AFF3: variants seen among roughly 807,000 people sequenced by gnomAD.
AFF3 encodes the protein ALF transcription elongation factor 3, also known as AF4/FMR2 family member 3.
Under a neutral mutation model 129.7 loss-of-function variants are expected in AFF3, and 32 were observed. That is an observed-to-expected ratio of 0.25 (90% CI 0.19 to 0.33). The LOEUF is 0.33. AFF3 is among the 10% of genes least tolerant of loss of function. The pLI is 1.00. For missense variants in AFF3, 1,373 were observed against 1,592.0 expected, an observed-to-expected ratio of 0.86 and a Z score of 2.34; for synonymous variants, 644 against 635.4, an observed-to-expected ratio of 1.01 and a Z score of -0.20.
chr2:99,596,955 A>AG (rs1397102319), intron 14 of AFF3, among the ~76,000 whole-genome samples: 2 of 152,122 alleles, frequency 1.3e-5, no homozygotes, highest in African/African-American at 4.8e-5. Flanking sequence ...CAAATTTCTA[A>AG]GGGGGGCGTT....
chr2:100,138,428 G>T (rs1043134518), intron 1 of AFF3, among the ~76,000 whole-genome samples: 1 of 152,072 alleles, frequency 6.6e-6, no homozygotes, highest in African/African-American at 2.4e-5. Flanking sequence ...TCTTACCTTT[G>T]CTTGCTGCTC....
chr2:99,982,972 A>G (rs1679546552), intron 7 of AFF3, among the ~76,000 whole-genome samples: 1 of 152,224 alleles, frequency 6.6e-6, no homozygotes, highest in Admixed American at 6.5e-5. Flanking sequence ...TCTTAGTCAC[A>G]ATTTGTAAGT....
rs915192181 is a variant in AFF3 at position 99,868,649 on chromosome 2, A to G, written c.874-31125T>C. On this transcript the variant is annotated intron_variant, in intron 7 of 24. Coordinates refer to ENST00000672756, the MANE Select transcript of AFF3 (RefSeq NM_001386135.1). ...CAGAGGCTTTTTGAGCATTTTAACCAGTATCATCTATGATCCTCTGAACAA... is the reference window on the plus strand; with the variant it reads ...CAGAGGCTTTTTGAGCATTTTAACCGGTATCATCTATGATCCTCTGAACAA... Among the ~76,000 whole-genome samples the G allele has an allele frequency of 4.6e-5, 7 of 152,280 alleles. No individual in the cohort carries two copies. The South Asian group carries it at 1.0e-3, about 23-fold the overall frequency.
At chr2:100,015,354 T>C (rs1682923958) in intron 4 of AFF3, among the ~76,000 whole-genome samples, 1 of 152,062 alleles carries the variant, frequency 6.6e-6, no homozygotes, top group Non-Finnish European at 1.5e-5. Flanking sequence ...TCTTTTCAGA[T>C]ACTTTGAGAC....
intron 1 of AFF3, among the ~76,000 whole-genome samples, chr2:100,130,424 G>A: frequency 6.6e-6 from 1 of 152,170 alleles, no homozygotes; most frequent in Non-Finnish European, 1.5e-5. Flanking sequence ...CACCCCATGG[G>A]CACAGGGCTC....
At chr2:99,865,308 G>A (rs1334342120) in intron 7 of AFF3, among the ~76,000 whole-genome samples, 1 of 152,226 alleles carries the variant, frequency 6.6e-6, no homozygotes, top group Non-Finnish European at 1.5e-5. Context: ...TGGACTCTTT[G>A]AAGCCTTCAA....
chr2:99,642,460 G>A (rs1266996611), intron 13 of AFF3, among the ~76,000 whole-genome samples: 1 of 152,050 alleles, frequency 6.6e-6, no homozygotes, highest in Non-Finnish European at 1.5e-5. Context: ...GATTCCTGAG[G>A]CATCTGTTGC....
intron 7 of AFF3, among the ~76,000 whole-genome samples, chr2:99,869,034 C>T (rs79794553): frequency 1.5e-5 from 1 of 66,554 alleles, no homozygotes; most frequent in African/African-American, 3.9e-5. Flanking sequence ...CAAGTGATCC[C>T]TCTGCCTCTG....
intron 4 of AFF3, among the ~76,000 whole-genome samples, chr2:100,070,103 G>A (rs1688052126): frequency 6.6e-6 from 1 of 152,172 alleles, no homozygotes; most frequent in Non-Finnish European, 1.5e-5. Flanking sequence ...AGACAGAAAG[G>A]AAGAGGGAAG....
At chr2:99,553,362 CA>C (rs1674585551) in intron 24 of AFF3, among the ~76,000 whole-genome samples, 1 of 152,178 alleles carries the variant, frequency 6.6e-6, no homozygotes, top group Non-Finnish European at 1.5e-5. Flanking sequence ...CTCTGCCATA[CA>C]TTCCTTATCT....
At chr2:99,658,586 C>T (rs941663104) in intron 12 of AFF3, among the ~76,000 whole-genome samples, 1 of 152,124 alleles carries the variant, frequency 6.6e-6, no homozygotes, top group Non-Finnish European at 1.5e-5. Context: ...TTTATACTAA[C>T]ATTTATTTAT....
intron 11 of AFF3, among the ~76,000 whole-genome samples, chr2:99,712,642 C>T (rs866822493): frequency 3.3e-5 from 5 of 152,270 alleles, no homozygotes; most frequent in South Asian, 4.1e-4. Flanking sequence ...GTGATCTTTG[C>T]GACACTTTTG....
chr2:99,576,279 C>A (rs910285844), intron 18 of AFF3, among the ~76,000 whole-genome samples: 1 of 151,616 alleles, frequency 6.6e-6, no homozygotes, highest in African/African-American at 2.4e-5. Context: ...GATTCACCTG[C>A]CCCAGTCTCC....
chr2:99,833,775 G>C (rs1688669184), intron 8 of AFF3, among the ~76,000 whole-genome samples: 1 of 152,172 alleles, frequency 6.6e-6, no homozygotes, highest in Admixed American at 6.6e-5. Context: ...ATAAAATAGA[G>C]TGTAACTTGG....
At chr2:99,837,316 G>A (rs1558899771) in intron 8 of AFF3, among the ~76,000 whole-genome samples, 161 bp downstream of exon 8, 1 of 152,136 alleles carries the variant, frequency 6.6e-6, no homozygotes, top group Non-Finnish European at 1.5e-5. Flanking sequence ...CTCCTAGATT[G>A]TTAACAGAAG....
intron 7 of AFF3, among the ~76,000 whole-genome samples, chr2:99,909,332 TG>T (rs1694956106): frequency 8.0e-6 from 1 of 125,266 alleles, no homozygotes; most frequent in Non-Finnish European, 1.6e-5. Context: ...CACCGGGGAC[TG>T]CTGTGGGGTG....
At chr2:100,064,358 C>T (rs1156379756) in intron 4 of AFF3, among the ~76,000 whole-genome samples, 3 of 152,122 alleles carry the variant, frequency 2.0e-5, no homozygotes, top group Non-Finnish European at 4.4e-5. Flanking sequence ...ATCAATATGA[C>T]ACTAAACCTA....
At chr2:100,058,004 T>C (rs1488568370) in intron 4 of AFF3, among the ~76,000 whole-genome samples, 1 of 152,146 alleles carries the variant, frequency 6.6e-6, no homozygotes, top group African/African-American at 2.4e-5. Context: ...AAAATGACAT[T>C]AACTTTCTGA....
chr2:100,030,447 A>T (rs1684404105), intron 4 of AFF3, among the ~76,000 whole-genome samples: 1 of 152,202 alleles, frequency 6.6e-6, no homozygotes, highest in South Asian at 2.1e-4. Context: ...GCTTAGGAAG[A>T]TAGTTTGGCA....
Sources: gnomAD v4.1 joint callset for allele counts (sites outside exome capture counted in the v4.1 genomes callset) on GRCh38, gnomAD v4.1.1 for gene constraint, MANE v1.5 for transcripts, NCBI Gene and HGNC (gene_info 2026-07-23, HGNC 2026-07-21) for gene names.